The following IQSEC2 variants were observed in gnomAD, a reference collection of about 807,000 sequenced individuals.
IQSEC2 encodes IQ motif and Sec7 domain ArfGEF 2.
In IQSEC2, 6 loss-of-function variants were observed where a neutral mutation model predicts 74.6. The observed-to-expected ratio is 0.08, with a 90% CI of 0.04 to 0.16. The LOEUF (loss-of-function observed/expected upper bound fraction) is 0.16, where lower values mean the gene tolerates loss of function less well. Ranked by LOEUF, IQSEC2 falls within the 10% of genes least tolerant of loss-of-function variation. The pLI, the probability that IQSEC2 is intolerant of heterozygous loss-of-function variation, is 1.00. For synonymous variants in IQSEC2, 494 were observed against 544.5 expected (o/e 0.91, Z 1.29); for missense variants, 734 against 1,306.2 (o/e 0.56, Z 6.75).
Position 53,256,046 on chromosome X carries a change from G to T in IQSEC2, c.753C>A (p.Ala251=). The T allele has an allele frequency of 8.5e-7, 1 of 1,175,291 alleles. No homozygotes were observed. The highest frequency in any genetic ancestry group is 1.1e-6 in the Non-Finnish European group (1 of 876,439). ...CCGCTGTGCTCAGGTCACTGCCTGGGGCATCACCCTCCACACTGTGGGGAT... is the reference window on the plus strand; with the variant it reads ...CCGCTGTGCTCAGGTCACTGCCTGGTGCATCACCCTCCACACTGTGGGGAT... The part of the protein sequence containing the change: ...NSRTVSVEGD[A]PGSDLSTAVD... The change falls in exon 3 of 15, where the codon GCC becomes GCA. Residue 251 remains alanine (A), a synonymous_variant. Transcript: ENST00000642864.
intron 2 of IQSEC2, among the ~76,000 whole-genome samples, chrX:53,284,060 A>C (rs782587000): frequency 5.4e-5 from 6 of 111,098 alleles, no homozygotes; most frequent in African/African-American, 1.6e-4. Context: ...AGAGCCTTGG[A>C]GGCCTCTGTC....
intron 1 of IQSEC2, among the ~76,000 whole-genome samples, chrX:53,309,103 C>CAAA (rs56674253): frequency 2.7e-5 from 1 of 37,359 alleles, no homozygotes; most frequent in African/African-American, 8.5e-5. Flanking sequence ...GACCCTGTCT[C>CAAA]AAAAAAAAAA....
At chrX:53,315,852 G>A (rs2075364974) in intron 1 of IQSEC2, among the ~76,000 whole-genome samples, 2 of 111,667 alleles carry the variant, frequency 1.8e-5, no homozygotes, top group South Asian at 7.6e-4. Flanking sequence ...TGGTAGGCAG[G>A]GGTGGGACAG....
intron 1 of IQSEC2, among the ~76,000 whole-genome samples, chrX:53,306,137 G>A (rs1479175159): frequency 3.6e-5 from 4 of 112,106 alleles, no homozygotes; most frequent in African/African-American, 1.3e-4. Context: ...ACAGCCTGCT[G>A]TTGCAGAAGC....
intron 2 of IQSEC2, among the ~76,000 whole-genome samples, chrX:53,276,002 C>T (rs1370338831): frequency 2.7e-5 from 3 of 111,049 alleles, no homozygotes; most frequent in African/African-American, 9.8e-5. Context: ...CGCCCAGCCA[C>T]CTGCATTCTT....
intron 4 of IQSEC2, among the ~76,000 whole-genome samples, chrX:53,252,354 C>A (rs1176329682): frequency 1.2e-5 from 1 of 86,604 alleles, no homozygotes; most frequent in Admixed American, 1.4e-4. Context: ...AGCTACCACA[C>A]CTGGCCAAAA....
At chrX:53,247,782 G>T (rs185498794) in intron 7 of IQSEC2, among the ~76,000 whole-genome samples, 27 of 112,166 alleles carry the variant, frequency 2.4e-4, no homozygotes, top group African/African-American at 7.4e-4. Context: ...AATAATAACA[G>T]AAGTGCCTAC....
chrX:53,263,115 C>T (rs1275417034), intron 2 of IQSEC2, among the ~76,000 whole-genome samples: 4 of 112,244 alleles, frequency 3.6e-5, no homozygotes, highest in Middle Eastern at 4.2e-3. Context: ...TTCATCTCCC[C>T]GTGCCTTCCC....
Position 53,304,010 on chromosome X carries a change from C to A in IQSEC2, c.708-12086G>T, listed in dbSNP as rs184753607. 1.2e-4 allele frequency among the ~76,000 whole-genome samples: 13 copies of A among 109,261 alleles called. No homozygotes were observed. In the East Asian group the frequency reaches 3.2e-3, roughly 27 times the overall value. The allele number at this position is 109,261 out of a possible 115,157, so 94.9% of individuals were successfully genotyped here. On this transcript the variant is annotated intron_variant, in intron 1 of 14. Coordinates refer to ENST00000642864, the MANE Select transcript of IQSEC2 (RefSeq NM_001111125.3). The stretch of plus-strand genomic sequence containing the variant: ...GCTGGGCGTGGTGGTGGGCGCGGTG[C>A]CTGTAATCCCAGCTACTTGGGAGGC...
chrX:53,315,216 C>A (rs868924676), intron 1 of IQSEC2, among the ~76,000 whole-genome samples: 191 of 111,700 alleles, frequency 1.7e-3, no homozygotes, highest in Admixed American at 5.7e-4. Context: ...CATGGTGAAA[C>A]CCCGTCTCTA....
rs782786258 is a variant in IQSEC2 at position 53,274,367 on chromosome X, C to A, written c.737+17528G>T. ...AATGTTACCAATTTGCAGAAGGTATCTGAGAGGTTCTGTTTCTCCAGAACC... is the reference window on the plus strand; with the variant it reads ...AATGTTACCAATTTGCAGAAGGTATATGAGAGGTTCTGTTTCTCCAGAACC... On this transcript the variant is annotated intron_variant, in intron 2 of 14. Transcript: ENST00000642864. Among the ~76,000 whole-genome samples the A allele has an allele frequency of 3.7e-5, 4 of 107,207 alleles. No homozygotes were observed. In the East Asian group the frequency reaches 1.2e-3, roughly 31 times the overall value. 93.1% of individuals were successfully genotyped at this position (107,207 alleles called of 115,157 possible). A position where few individuals can be genotyped will look rare whatever the true frequency, so the allele number is the denominator to read the frequency against.
chrX:53,241,083 C>A (rs2074212519), intron 10 of IQSEC2, among the ~76,000 whole-genome samples: 1 of 110,816 alleles, frequency 9.0e-6, no homozygotes, highest in African/African-American at 3.3e-5. Flanking sequence ...GCCCAAGCAT[C>A]TTTTTTAAAT....
At chrX:53,284,332 C>A (rs1184065838) in intron 2 of IQSEC2, among the ~76,000 whole-genome samples, 1 of 110,014 alleles carries the variant, frequency 9.1e-6, no homozygotes, top group Non-Finnish European at 1.9e-5. Context: ...AGCCCCTACC[C>A]CATACCTCCA....
At chrX:53,276,290 G>A (rs782189829) in intron 2 of IQSEC2, among the ~76,000 whole-genome samples, 2 of 111,400 alleles carry the variant, frequency 1.8e-5, no homozygotes, top group Non-Finnish European at 3.8e-5. Context: ...AATTCATAGT[G>A]GTTTTATAGA....
At chrX:53,246,864 C>T in intron 8 of IQSEC2, 105 bp downstream of exon 8, 1 of 744,041 alleles carries the variant, frequency 1.3e-6, no homozygotes, top group South Asian at 2.3e-5. Flanking sequence ...GTGACAGCAT[C>T]ACAAATTAAT....
At chrX:53,252,925 G>A (rs782606011) in intron 4 of IQSEC2, among the ~76,000 whole-genome samples, 95 of 111,259 alleles carry the variant, frequency 8.5e-4, no homozygotes, top group African/African-American at 2.8e-3. Context: ...CCTCCCTTGA[G>A]GGAGGGATCC....
chrX:53,257,447 C>T (rs1285929799), intron 2 of IQSEC2, among the ~76,000 whole-genome samples: 1 of 112,285 alleles, frequency 8.9e-6, no homozygotes, highest in Non-Finnish European at 1.9e-5. Flanking sequence ...CCCAAATTCT[C>T]TCTCCTCCTG....
At chrX:53,295,787 C>T (rs1277499348) in intron 1 of IQSEC2, among the ~76,000 whole-genome samples, 3 of 110,121 alleles carry the variant, frequency 2.7e-5, no homozygotes, top group Non-Finnish European at 5.7e-5. Flanking sequence ...GACTAGATTT[C>T]CTGCCATGCT....
At chrX:53,236,001 G>A (rs1556859560) in intron 13 of IQSEC2, among the ~76,000 whole-genome samples, 169 bp from the exon 14 acceptor site, 2 of 111,209 alleles carry the variant, frequency 1.8e-5, no homozygotes, top group African/African-American at 6.6e-5. Flanking sequence ...GGAGAAGGAG[G>A]AGAAAGAGGA....
Sources: allele counts gnomAD v4.1 joint callset (sites outside exome capture counted in the v4.1 genomes callset), GRCh38; gene constraint gnomAD v4.1.1; transcripts MANE v1.5; gene names NCBI Gene and HGNC (gene_info 2026-07-23, HGNC 2026-07-21).